The following CTSG variants were observed in gnomAD, a reference collection of about 807,000 sequenced individuals.
CTSG encodes cathepsin G.
CTSG carries 23 observed loss-of-function variants against 23.0 expected under a neutral mutation model. The ratio of observed to expected loss-of-function variants is 1.00; its 90% confidence interval spans 0.72 to 1.42. The LOEUF (loss-of-function observed/expected upper bound fraction) is 1.42. Among genes scored for constraint, CTSG ranks in the 40% most tolerant of loss-of-function variants. The pLI is 0.00. For missense variants in CTSG, 312 were observed against 326.2 expected (o/e 0.96, Z 0.33); for synonymous variants, 140 against 130.4 (o/e 1.07, Z -0.50).
chr14:24,576,050 G>A, intron 1 of CTSG, 119 bp downstream of exon 1: 2 of 789,510 alleles, frequency 2.5e-6, no homozygotes, highest in South Asian at 3.1e-5. Flanking sequence ...TTTTATAGAT[G>A]AGGAAACACA....
rs2066727073 is a variant in CTSG, at chr14:24,573,830, G to A, written c.595-20C>T. On this transcript the variant is annotated intron_variant, in intron 4 of 4. Transcript: ENST00000216336. Reference sequence around the variant, plus strand: ...ATCCCCCTGTAGGTAGAGAGGAGAAGGGAGACTGAGACAGGCCTCCCTGCT... The same window carrying A: ...ATCCCCCTGTAGGTAGAGAGGAGAAAGGAGACTGAGACAGGCCTCCCTGCT... The A allele has an allele frequency of 6.2e-7, 1 of 1,606,026 alleles. No homozygotes were observed. Among genetic ancestry groups the A allele is most frequent in the Non-Finnish European group, 8.5e-7 (1 of 1,175,244 alleles).
At chr14:24,575,988 C>T (rs543580425) in intron 1 of CTSG, among the ~76,000 whole-genome samples, 181 bp downstream of exon 1, 1 of 152,336 alleles carries the variant, frequency 6.6e-6, no homozygotes, top group African/African-American at 2.4e-5. Context: ...AATACTCTAA[C>T]TTATTTAACT....
rs1274627266 is a variant in CTSG, at chr14:24,576,250, T to C, written c.-27A>G. Reference sequence around the variant, plus strand: ...TTTCCTGAAAGGCTGCCCAGTCAGTTGCTGCTGTGCTTCCTCCTCCTAGAC... The same window carrying C: ...TTTCCTGAAAGGCTGCCCAGTCAGTCGCTGCTGTGCTTCCTCCTCCTAGAC... On this transcript the variant is annotated 5_prime_UTR_variant, in exon 1 of 5. Transcript: ENST00000216336. 1 of 1,589,814 alleles carries C rather than the reference T, an allele frequency of 6.3e-7. No homozygotes were observed. The highest frequency in any genetic ancestry group is 1.3e-5 in the African/African-American group (1 of 74,546).
At chr14:24,576,127 T>A in intron 1 of CTSG, 42 bp downstream of exon 1, 1 of 1,578,288 alleles carries the variant, frequency 6.3e-7, no homozygotes, top group South Asian at 1.2e-5. Flanking sequence ...CAAGAATCTA[T>A]GGGATGAGGT....
chr14:24,574,169 T>C, intron 4 of CTSG, 76 bp downstream of exon 4: 1 of 1,551,030 alleles, frequency 6.4e-7, no homozygotes, highest in Non-Finnish European at 8.7e-7. Flanking sequence ...GCTGTGGGGA[T>C]GGAATCTGTT....
intron 2 of CTSG, 177 bp from the exon 3 acceptor site, chr14:24,574,987 G>A (rs1323914838): frequency 6.1e-6 from 5 of 813,592 alleles, no homozygotes; most frequent in Non-Finnish European, 9.6e-6. Context: ...ATGACAGGGT[G>A]GTACTTGCCT....
chr14:24,573,876 GCT>G, intron 4 of CTSG, 66 bp from the exon 5 acceptor site: 3 of 1,482,226 alleles, frequency 2.0e-6, no homozygotes, highest in African/African-American at 1.4e-5. Flanking sequence ...TGAGCTCCGG[GCT>G]CTCAGGGAAG....
chr14:24,575,209 G>T lies in CTSG; in HGVS notation c.203+56C>A, dbSNP rs1022070424. 5 of 1,606,340 alleles carry T rather than the reference G, an allele frequency of 3.1e-6. No homozygotes were observed. The Admixed American group carries it at 8.4e-5, about 27-fold the overall frequency. The stretch of plus-strand genomic sequence containing the variant: ...TCTTCTTTCAGATGGCTCTTCCACC[G>T]AAGAGCTCCGCAGGGCTGTGTTCCT... On this transcript the variant is annotated intron_variant, in intron 2 of 4. Coordinates refer to ENST00000216336, the MANE Select transcript of CTSG (RefSeq NM_001911.3).
At position 24,575,401 on chromosome 14, in the gene CTSG, C is replaced by G; in HGVS notation, c.67G>C (p.Gly23Arg). ...GAGTGGGGCCTGCTCTCCCGGCCTCCGATGATCTCCCCTGGAAGGAAGCAT... is the reference window on the plus strand; with the variant it reads ...GAGTGGGGCCTGCTCTCCCGGCCTCGGATGATCTCCCCTGGAAGGAAGCAT... ...PTGAEAGEII[G>R]GRESRPHSRP... is the part of the protein sequence containing the mutation. The change falls in exon 2 of 5, where the codon GGA becomes CGA. Residue 23 changes from glycine (G) to arginine (R), a missense_variant. Gly to Arg is a moderately radical substitution (Grantham distance 125). Transcript: ENST00000216336. The G allele has an allele frequency of 1.2e-6, 2 of 1,614,132 alleles. No homozygotes were observed. Among genetic ancestry groups the G allele is most frequent in the Non-Finnish European group, 1.7e-6 (2 of 1,180,022 alleles).
At chr14:24,574,909 A>G (rs2066734475) in intron 2 of CTSG, 99 bp from the exon 3 acceptor site, 1 of 1,503,860 alleles carries the variant, frequency 6.6e-7, no homozygotes, top group Admixed American at 1.7e-5. Flanking sequence ...GCAGCTAACC[A>G]GAATCGAGGG....
intron 3 of CTSG, 46 bp from the exon 4 acceptor site, chr14:24,574,545 C>T (rs1332402107): frequency 1.2e-6 from 2 of 1,612,012 alleles, no homozygotes; most frequent in Non-Finnish European, 1.7e-6. Flanking sequence ...GGCCTCCAGC[C>T]AAGGCTCGGG....
At chr14:24,574,884 G>A in intron 2 of CTSG, 74 bp from the exon 3 acceptor site, 1 of 1,590,254 alleles carries the variant, frequency 6.3e-7, no homozygotes, top group Middle Eastern at 2.3e-4. Context: ...CAGACAGCAC[G>A]GGGAGGGCAA....
rs192161857 is a variant in CTSG at position 24,574,360 on chromosome 14, C to A, written c.479G>T (p.Arg160Leu). The change falls in exon 4 of 5, where the codon CGA (arginine) becomes CTA (leucine). Residue 160 changes from arginine (R) to leucine (L), a missense_variant. Physicochemically the swap from Arg to Leu is moderately radical, Grantham distance 102 (BLOSUM62 -2). Transcript: ENST00000216336. Reference sequence around the variant, plus strand: ...CCTCTGCACTCTCAGCTGCACCTCTCGGAGTGTATCTGTTCCCCTCCTCAT... The same window carrying A: ...CCTCTGCACTCTCAGCTGCACCTCTAGGAGTGTATCTGTTCCCCTCCTCAT... ...VSMRRGTDTL[R>L]EVQLRVQRDR... The A allele has an allele frequency of 1.9e-6, 3 of 1,609,278 alleles. No homozygotes were observed. The highest frequency in any genetic ancestry group is 2.5e-6 in the Non-Finnish European group (3 of 1,180,006).
At position 24,575,373 on chromosome 14, in the gene CTSG, C is replaced by T. The variant is rs750179849; in HGVS notation, c.95G>A (p.Arg32His). The T allele has an allele frequency of 2.5e-6, 4 of 1,614,124 alleles. No individual in the cohort carries two copies. The highest frequency in any genetic ancestry group is 1.7e-5 in the Admixed American group (1 of 60,020). Reference sequence around the variant, plus strand: ...GATCTGAAGATACGCCATGTAGGGGCGGGAGTGGGGCCTGCTCTCCCGGCC... The same window carrying T: ...GATCTGAAGATACGCCATGTAGGGGTGGGAGTGGGGCCTGCTCTCCCGGCC... ...IGGRESRPHS[R>H]PYMAYLQIQS... The change falls in exon 2 of 5, where the codon CGC (arginine) becomes CAC (histidine). Residue 32 changes from arginine to histidine, a missense_variant. Physicochemically the swap from Arg to His is conservative, Grantham distance 29. Transcript: ENST00000216336.
intron 3 of CTSG, 32 bp from the exon 4 acceptor site, chr14:24,574,531 C>G: frequency 1.2e-6 from 2 of 1,612,700 alleles, no homozygotes; most frequent in South Asian, 1.1e-5. Context: ...TCCCGCTCAG[C>G]TGGGGCCTCC....
intron 1 of CTSG, among the ~76,000 whole-genome samples, 182 bp from the exon 2 acceptor site, chr14:24,575,594 C>T (rs1444855755): frequency 6.6e-6 from 1 of 152,126 alleles, no homozygotes; most frequent in African/African-American, 2.4e-5. Context: ...CTCCAGGGTT[C>T]TACAGGAAAC....
chr14:24,574,174 T>C, intron 4 of CTSG, 71 bp downstream of exon 4: 2 of 1,563,594 alleles, frequency 1.3e-6, no homozygotes, highest in South Asian at 2.3e-5. Flanking sequence ...GGGGATGGAA[T>C]CTGTTCGCAC....
chr14:24,574,713 T>G lies in CTSG; in HGVS notation c.301A>C (p.Asn101His). 6.2e-7 allele frequency: 1 copy of G among 1,614,114 alleles called. No homozygotes were observed. Among genetic ancestry groups the G allele is most frequent in the Non-Finnish European group, 8.5e-7 (1 of 1,180,028 alleles). The change falls in exon 3 of 5, where the codon AAT becomes CAT. Residue 101 changes from asparagine (N) to histidine (H), a missense_variant. Asn to His is a moderately conservative substitution (Grantham distance 68). Transcript: ENST00000216336. ...ARRAIRHPQY[N>H]QRTIQNDIML... The stretch of plus-strand genomic sequence containing the variant: ...ATGTCATTCTGGATGGTCCGCTGAT[T>G]ATATTGAGGGTGGCGGATGGCTCTG...
At chr14:24,574,101 G>T in intron 4 of CTSG, 144 bp downstream of exon 4, 1 of 1,039,036 alleles carries the variant, frequency 9.6e-7, no homozygotes, top group Non-Finnish European at 1.4e-6. Context: ...TTCCCCCAGA[G>T]ACCAGGTTGA....
Sources: gnomAD v4.1 joint callset for allele counts (sites outside exome capture counted in the v4.1 genomes callset) on GRCh38, gnomAD v4.1.1 for gene constraint, MANE v1.5 for transcripts, NCBI Gene and HGNC (gene_info 2026-07-23, HGNC 2026-07-21) for gene names.